The following KMT2C variants were observed in gnomAD, a reference collection of about 807,000 sequenced individuals.
KMT2C encodes the protein lysine methyltransferase 2C.
KMT2C carries 88 observed loss-of-function variants against 507.9 expected under a neutral mutation model. That is an observed-to-expected ratio of 0.17 (90% CI 0.15 to 0.21). KMT2C has a LOEUF of 0.21. KMT2C is among the 10% of genes least tolerant of loss of function. KMT2C has a pLI of 1.00. For synonymous variants in KMT2C, 2,049 were observed against 2,080.8 expected, an observed-to-expected ratio of 0.98 and a Z score of 0.42; for missense variants, 4,954 against 5,957.8, an observed-to-expected ratio of 0.83 and a Z score of 5.55.
intron 7 of KMT2C, among the ~76,000 whole-genome samples, chr7:152,268,857 C>A (rs181113067): frequency 6.6e-6 from 1 of 152,156 alleles, no homozygotes; most frequent in South Asian, 2.1e-4. Flanking sequence ...ATGGTAGCTA[C>A]TAGCGACATG....
chr7:152,187,524 T>C, intron 32 of KMT2C, 48 bp from the exon 33 acceptor site: 3 of 1,525,422 alleles, frequency 2.0e-6, no homozygotes, highest in East Asian at 2.3e-5. Context: ...AATAACTTCT[T>C]AATATATGTT....
chr7:152,187,269 T>C lies in KMT2C; in HGVS notation c.5001A>G (p.Glu1667=), dbSNP rs2129124506. Residue 1667 remains glutamate (E), a synonymous_variant, in exon 33 of 59, where the codon GAA becomes GAG. Transcript: ENST00000262189. ...AATATATTCATGGCTTACCAGGGAA[T>C]TCTTCCTTTAAGTTGGGGAAATTAA... ...TNINFPNLKE[E]FPDWTTRVKQ... 6.2e-7 allele frequency: 1 copy of C among 1,612,840 alleles called. No individual in the cohort carries two copies. The highest frequency in any genetic ancestry group is 8.5e-7 in the Non-Finnish European group (1 of 1,178,834).
At chr7:152,193,664 C>T (rs1007174850) in intron 31 of KMT2C, among the ~76,000 whole-genome samples, 2 of 151,968 alleles carry the variant, frequency 1.3e-5, no homozygotes, top group Non-Finnish European at 2.9e-5. Flanking sequence ...GTACAGGCAG[C>T]CAGGTGAGCG....
At chr7:152,169,022 C>T (rs940373061) in intron 41 of KMT2C, among the ~76,000 whole-genome samples, 164 bp downstream of exon 41, 8 of 152,162 alleles carry the variant, frequency 5.3e-5, no homozygotes, top group African/African-American at 1.2e-4. Context: ...TGAAAACACA[C>T]GCCTTGAAGA....
intron 2 of KMT2C, among the ~76,000 whole-genome samples, chr7:152,343,450 G>GGA (rs570359604): frequency 2.8e-5 from 2 of 72,462 alleles, no homozygotes; most frequent in African/African-American, 9.2e-5. Context: ...AAAAGACTGG[G>GGA]AAAAAAAAAA....
rs2129113088 is a variant in KMT2C, at chr7:152,176,466, C to T, written c.8987G>A (p.Gly2996Asp). Residue 2996 changes from glycine (G) to aspartate (D), a missense_variant, in exon 38 of 59, where the codon GGT (glycine) becomes GAT (aspartate). Physicochemically the swap from Gly to Asp is moderately conservative, Grantham distance 94. This residue lies in a region of KMT2C where 1,689 missense variants were observed against 1,654.3 expected (regional missense o/e 1.02). Transcript: ENST00000262189. ...GVQVNPGLIP[G>D]QSTVNHSLGT... ...CAGACTGTGGTTAACTGTTGATTGACCTGGAATGAGCCCTGGGTTTACCTG... is the reference window on the plus strand; with the variant it reads ...CAGACTGTGGTTAACTGTTGATTGATCTGGAATGAGCCCTGGGTTTACCTG... The T allele has an allele frequency of 6.2e-7, 1 of 1,614,128 alleles. No homozygotes were observed. The highest frequency in any genetic ancestry group is 1.1e-5 in the South Asian group (1 of 91,084).
At chr7:152,317,484 C>A (rs184927973) in intron 3 of KMT2C, among the ~76,000 whole-genome samples, 1 of 152,154 alleles carries the variant, frequency 6.6e-6, no homozygotes, top group Admixed American at 6.5e-5. Flanking sequence ...AACCAACTCA[C>A]CACCAAATGA....
intron 9 of KMT2C, among the ~76,000 whole-genome samples, chr7:152,259,222 A>G (rs1433015477): frequency 6.6e-6 from 1 of 152,206 alleles, no homozygotes; most frequent in Non-Finnish European, 1.5e-5. Flanking sequence ...TATGAAGGAC[A>G]TAAGATCAAA....
rs750888500 is a variant in KMT2C, at chr7:152,181,756, G to A, written c.6104C>T (p.Pro2035Leu). The A allele has an allele frequency of 4.3e-6, 7 of 1,614,152 alleles. No individual in the cohort carries two copies. The South Asian group carries it at 4.4e-5, about 10-fold the overall frequency. ...AAAAGGTCCAGGACCACTATCAAGA[G>A]GTGCAGGTGTCAACAAGGGTCGTGC... Reference protein sequence around the residue: ...SYARPLLTPAPLDSGPGPFKT... With the variant: ...SYARPLLTPALLDSGPGPFKT... The change falls in exon 36 of 59, where the codon CCT becomes CTT. Residue 2035 changes from proline (P) to leucine (L), a missense_variant. Pro to Leu is a moderately conservative substitution (Grantham distance 98, BLOSUM62 -3). Coordinates refer to ENST00000262189, the MANE Select transcript of KMT2C (RefSeq NM_170606.3).
In KMT2C at chr7:152,310,967, G is replaced by T. The variant is rs562620550; in HGVS notation, c.739+831C>A. Among the ~76,000 whole-genome samples the T allele has an allele frequency of 7.2e-5, 11 of 152,102 alleles. No homozygotes were observed. The South Asian group carries it at 2.3e-3, about 32-fold the overall frequency. On this transcript the variant is annotated intron_variant, in intron 5 of 58. Coordinates refer to ENST00000262189, the MANE Select transcript of KMT2C (RefSeq NM_170606.3). ...TGCCAAAGTGCTGGGATTACGGGCTGTGAGCCACCGTGCCCTGCCAGCAAT... is the reference window on the plus strand; with the variant it reads ...TGCCAAAGTGCTGGGATTACGGGCTTTGAGCCACCGTGCCCTGCCAGCAAT...
rs1160527130 is a variant in KMT2C, at chr7:152,385,611, C to CAAAAAAAAAAAA, written c.162-26948_162-26937dup. ...TGGGCGACAGAGCGAGACTCCGTCT[C>CAAAAAAAAAAAA]AAAAAAAAAAAAAAAAAAAAAAAAA... On this transcript the variant is annotated intron_variant, in intron 1 of 58. Coordinates refer to ENST00000262189, the MANE Select transcript of KMT2C (RefSeq NM_170606.3). Among the ~76,000 whole-genome samples, 15 of 19,442 alleles carry CAAAAAAAAAAAA rather than the reference C, an allele frequency of 7.7e-4. 1 individual carries two copies. The highest frequency in any genetic ancestry group is 1.8e-3 in the East Asian group (1 of 558). The allele number at this position is 19,442 out of a possible 152,430, so 12.8% of individuals were successfully genotyped here.
chr7:152,388,097 A>C (rs75422431), intron 1 of KMT2C, among the ~76,000 whole-genome samples: 1 of 140,704 alleles, frequency 7.1e-6, no homozygotes, highest in African/African-American at 2.7e-5. Context: ...TAACCTCTTC[A>C]AAAAAAAAAA....
intron 1 of KMT2C, among the ~76,000 whole-genome samples, chr7:152,394,757 T>C (rs2097526718): frequency 6.6e-6 from 1 of 152,220 alleles, no homozygotes; most frequent in Non-Finnish European, 1.5e-5. Context: ...GTATTTCCCG[T>C]GCTTATGGAC....
chr7:152,205,823 C>T (rs190186673), intron 24 of KMT2C, among the ~76,000 whole-genome samples: 1 of 152,282 alleles, frequency 6.6e-6, no homozygotes, highest in East Asian at 1.9e-4. Context: ...TGATGTATTT[C>T]TCTGAACTTA....
intron 6 of KMT2C, among the ~76,000 whole-genome samples, chr7:152,282,583 G>A (rs2096238249): frequency 6.6e-6 from 1 of 152,062 alleles, no homozygotes; most frequent in East Asian, 1.9e-4. Flanking sequence ...ACAGTACTTA[G>A]TAGCCAATTA....
At position 152,152,797 on chromosome 7, in the gene KMT2C, C is replaced by G; in HGVS notation, c.12434G>C (p.Arg4145Pro). 1 of 1,614,136 alleles carries G rather than the reference C, an allele frequency of 6.2e-7. No homozygotes were observed. Among genetic ancestry groups the G allele is most frequent in the Non-Finnish European group, 8.5e-7 (1 of 1,180,036 alleles). Residue 4145 changes from arginine (R) to proline (P), a missense_variant, in exon 49 of 59, where the codon CGT becomes CCT. Arg to Pro is a moderately radical substitution (Grantham distance 103). Coordinates refer to ENST00000262189, the MANE Select transcript of KMT2C (RefSeq NM_170606.3). ...GLEYRQHLLL[R>P]GPPPGSANPP... ...GTTTGCAGATCCTGGCGGAGGCCCA[C>G]GGAGAAGTAAATGCTGTCGATACTC...
Position 152,162,527 on chromosome 7 carries a change from G to A in KMT2C, c.11050C>T (p.Leu3684=), listed in dbSNP as rs762255003. ...GQLCTELENK[L]PNSDFSQATP... is the part of the protein sequence containing the mutation. The stretch of plus-strand genomic sequence containing the variant: ...GCTTGTGAGAAATCACTATTGGGCA[G>A]TTTGTTCTCTAATTCTGTACATAGC... Residue 3684 remains leucine, a synonymous_variant, in exon 43 of 59, where the codon CTG becomes TTG. Coordinates refer to ENST00000262189, the MANE Select transcript of KMT2C (RefSeq NM_170606.3). 2 of 1,614,252 alleles carry A rather than the reference G, an allele frequency of 1.2e-6. No individual in the cohort carries two copies. The highest frequency in any genetic ancestry group is 8.5e-7 in the Non-Finnish European group (1 of 1,180,036).
chr7:152,371,692 G>C (rs1348505940), intron 1 of KMT2C, among the ~76,000 whole-genome samples: 4 of 151,682 alleles, frequency 2.6e-5, no homozygotes, highest in African/African-American at 9.7e-5. Context: ...CAGCTCACTG[G>C]AAACCCCACC....
At chr7:152,207,271 T>C in intron 24 of KMT2C, 29 bp downstream of exon 24, 2 of 1,413,412 alleles carry the variant, frequency 1.4e-6, no homozygotes, top group African/African-American at 1.4e-5. Context: ...GTGTTGATGA[T>C]ATTGAAATGT....
Sources: allele counts gnomAD v4.1 joint callset (sites outside exome capture counted in the v4.1 genomes callset), GRCh38; gene constraint gnomAD v4.1.1; regional missense constraint gnomAD v4.1.1; transcripts MANE v1.5; gene names NCBI Gene and HGNC (gene_info 2026-07-23, HGNC 2026-07-21).